Variants in KCNT2 observed in about 807,000 individuals in gnomAD.
The protein encoded by KCNT2 is potassium sodium-activated channel subfamily T member 2.
In KCNT2, 67 loss-of-function variants were observed where a neutral mutation model predicts 153.8. The ratio of observed to expected loss-of-function variants is 0.44; its 90% CI spans 0.36 to 0.53. The LOEUF (loss-of-function observed/expected upper bound fraction) is 0.53, where lower values mean the gene tolerates loss of function less well. KCNT2 is among the 20% of genes least tolerant of loss of function. The pLI is 0.00. For synonymous variants in KCNT2, 500 were observed against 458.8 expected (o/e 1.09, Z -1.15); for missense variants, 975 against 1,354.8 (o/e 0.72, Z 4.40).
Position 196,342,085 on chromosome 1 carries a change from T to C in KCNT2, c.1547A>G (p.His516Arg), listed in dbSNP as rs765478675. The C allele has an allele frequency of 6.3e-7, 1 of 1,599,564 alleles. No homozygotes were observed. Among genetic ancestry groups the C allele is most frequent in the Non-Finnish European group, 8.5e-7 (1 of 1,173,066 alleles). ...CTCTGAGGCAGAAACATACTTTTTGTGTGCATGGAAAGAGGCATATGTAAA... is the reference window on the plus strand; with the variant it reads ...CTCTGAGGCAGAAACATACTTTTTGCGTGCATGGAAAGAGGCATATGTAAA... Reference protein sequence around the residue: ...KSFTYASFHAHKKFGVCLIGV... With the variant: ...KSFTYASFHARKKFGVCLIGV... Residue 516 changes from histidine (H) to arginine (R), a missense_variant, in exon 15 of 28, where the codon CAC becomes CGC. Transcript: ENST00000294725.
At chr1:196,361,158 G>T (rs1412162680) in intron 14 of KCNT2, among the ~76,000 whole-genome samples, 1 of 151,796 alleles carries the variant, frequency 6.6e-6, no homozygotes, top group Non-Finnish European at 1.5e-5. Context: ...GGTTGAGTTA[G>T]CCAGATAAGA....
intron 22 of KCNT2, among the ~76,000 whole-genome samples, chr1:196,289,257 C>A (rs1344906375): frequency 1.3e-5 from 2 of 151,970 alleles, no homozygotes; most frequent in East Asian, 3.8e-4. Flanking sequence ...TTCCTTATCA[C>A]CTTACTTAAA....
At chr1:196,543,397 A>G (rs1468082942) in intron 1 of KCNT2, among the ~76,000 whole-genome samples, 1 of 152,132 alleles carries the variant, frequency 6.6e-6, no homozygotes, top group Non-Finnish European at 1.5e-5. Flanking sequence ...CTCTTGCTAT[A>G]TAACAATAGA....
intron 12 of KCNT2, among the ~76,000 whole-genome samples, chr1:196,409,631 C>A (rs982588221): frequency 3.3e-5 from 5 of 151,478 alleles, no homozygotes; most frequent in African/African-American, 4.8e-5. Flanking sequence ...TGCTAAAGAA[C>A]TTTCTTCAAC....
chr1:196,442,552 T>G (rs146283192), intron 8 of KCNT2, among the ~76,000 whole-genome samples: 101 of 151,846 alleles, frequency 6.7e-4, no homozygotes, highest in African/African-American at 2.3e-3. Context: ...TAGTGGAATT[T>G]GACCTAAGCA....
chr1:196,446,775 A>C (rs1675721979), intron 8 of KCNT2, among the ~76,000 whole-genome samples: 2 of 151,588 alleles, frequency 1.3e-5, no homozygotes, highest in African/African-American at 4.8e-5. Context: ...CTACTAATTA[A>C]CTAAGACAAA....
intron 23 of KCNT2, among the ~76,000 whole-genome samples, chr1:196,283,393 C>T (rs1281896264): frequency 1.3e-5 from 2 of 151,976 alleles, no homozygotes; most frequent in Non-Finnish European, 2.9e-5. Context: ...CAAGACCACG[C>T]CACTGCACTC....
intron 2 of KCNT2, among the ~76,000 whole-genome samples, chr1:196,490,963 G>C (rs896496856): frequency 2.0e-5 from 3 of 151,876 alleles, no homozygotes; most frequent in Non-Finnish European, 4.4e-5. Flanking sequence ...TAAAAAGGTC[G>C]ATGCTTATCA....
chr1:196,410,677 G>T (rs961989926), intron 12 of KCNT2, among the ~76,000 whole-genome samples: 1 of 149,540 alleles, frequency 6.7e-6, no homozygotes, highest in African/African-American at 2.5e-5. Context: ...TTCACTGGGT[G>T]CTTACTACGC....
At chr1:196,363,849 C>T (rs997345520) in intron 14 of KCNT2, among the ~76,000 whole-genome samples, 2 of 152,130 alleles carry the variant, frequency 1.3e-5, no homozygotes, top group South Asian at 4.1e-4. Flanking sequence ...GATGTCATTG[C>T]CTCTGTTCTG....
At position 196,331,136 on chromosome 1, in the gene KCNT2, A is replaced by T; in HGVS notation, c.2103+20T>A. 3.2e-6 allele frequency: 4 copies of T among 1,252,814 alleles called. No homozygotes were observed. Among genetic ancestry groups the T allele is most frequent in the Non-Finnish European group, 3.5e-6 (3 of 858,990 alleles). 77.6% of individuals were successfully genotyped at this position (1,252,814 alleles called of 1,614,324 possible). A position where few individuals can be genotyped will look rare whatever the true frequency, so the allele number is the denominator to read the frequency against. On this transcript the variant is annotated intron_variant, in intron 18 of 27. Transcript: ENST00000294725. Reference sequence around the variant, plus strand: ...CTATAATTTTATTTTGTAAACAAAAAAGCATCAACAAGTACTTACCTTGTC... The same window carrying T: ...CTATAATTTTATTTTGTAAACAAAATAGCATCAACAAGTACTTACCTTGTC...
chr1:196,594,458 A>G (rs750040377), intron 1 of KCNT2, among the ~76,000 whole-genome samples: 31 of 152,128 alleles, frequency 2.0e-4, no homozygotes, highest in Non-Finnish European at 4.1e-4. Flanking sequence ...CATAGCTGTG[A>G]CATATTTCTT....
chr1:196,399,573 T>C (rs1456152817), intron 12 of KCNT2, among the ~76,000 whole-genome samples: 1 of 151,732 alleles, frequency 6.6e-6, no homozygotes, highest in Non-Finnish European at 1.5e-5. Context: ...TTGACAGCAC[T>C]ATTAGTGAAA....
At chr1:196,595,732 T>C (rs1663978082) in intron 1 of KCNT2, among the ~76,000 whole-genome samples, 1 of 152,074 alleles carries the variant, frequency 6.6e-6, no homozygotes, top group African/African-American at 2.4e-5. Flanking sequence ...AGGTGGTTTT[T>C]GGTTATGTGG....
chr1:196,391,550 A>C (rs908718129), intron 13 of KCNT2, among the ~76,000 whole-genome samples: 5 of 151,396 alleles, frequency 3.3e-5, no homozygotes. Context: ...ATGGAGATAA[A>C]CAAAAGATTA....
chr1:196,597,032 A>G (rs1174072748), intron 1 of KCNT2, among the ~76,000 whole-genome samples: 1 of 152,254 alleles, frequency 6.6e-6, no homozygotes, highest in South Asian at 2.1e-4. Context: ...TAAATTGTAT[A>G]TTTACTTTGG....
intron 25 of KCNT2, among the ~76,000 whole-genome samples, chr1:196,276,087 TG>T (rs1658541019): frequency 6.6e-6 from 1 of 152,042 alleles, no homozygotes; most frequent in African/African-American, 2.4e-5. Flanking sequence ...TATTATTTCA[TG>T]TTTTTTTCAG....
chr1:196,249,424 G>A (rs1025973832), intron 26 of KCNT2, among the ~76,000 whole-genome samples: 1 of 152,124 alleles, frequency 6.6e-6, no homozygotes, highest in Non-Finnish European at 1.5e-5. Flanking sequence ...TTTGAACCAA[G>A]AGTATTAGAA....
At chr1:196,543,811 A>G (rs1656702769) in intron 1 of KCNT2, among the ~76,000 whole-genome samples, 1 of 152,186 alleles carries the variant, frequency 6.6e-6, no homozygotes, top group South Asian at 2.1e-4. Flanking sequence ...TAGGTGGTAC[A>G]GCCACGCTGG....
Sources: gnomAD v4.1 joint callset for allele counts (sites outside exome capture counted in the v4.1 genomes callset) on GRCh38, gnomAD v4.1.1 for gene constraint, MANE v1.5 for transcripts, NCBI Gene and HGNC (gene_info 2026-07-23, HGNC 2026-07-21) for gene names.